GPC5: variants seen among roughly 807,000 people sequenced by gnomAD.
GPC5 encodes glypican 5.
GPC5 carries 47 observed loss-of-function variants against 53.9 expected under a neutral mutation model. The observed-to-expected ratio is 0.87, with a 90% CI of 0.69 to 1.11. GPC5 has a LOEUF of 1.11. Among genes scored for constraint, GPC5 ranks in the 50% most tolerant of loss-of-function variants. The probability of loss-of-function intolerance (pLI) is 0.00; values close to 1 mark genes in which losing one functional copy is unlikely to be tolerated. For missense variants in GPC5, 748 were observed against 713.1 expected, an observed-to-expected ratio of 1.05 and a Z score of -0.56; for synonymous variants, 286 against 263.3, an observed-to-expected ratio of 1.09 and a Z score of -0.84.
chr13:91,831,983 T>C (rs1360130231), intron 5 of GPC5, among the ~76,000 whole-genome samples: 1 of 151,882 alleles, frequency 6.6e-6, no homozygotes, highest in Admixed American at 6.6e-5. Context: ...GTCTGCTTGG[T>C]CCAGAGCTGG....
chr13:92,431,546 T>C (rs1466255538), intron 7 of GPC5, among the ~76,000 whole-genome samples: 2 of 152,016 alleles, frequency 1.3e-5, no homozygotes, highest in Non-Finnish European at 2.9e-5. Context: ...TGAAAAACAT[T>C]GATATAATTA....
chr13:91,586,277 G>A (rs1004936919), intron 2 of GPC5, among the ~76,000 whole-genome samples: 17 of 149,246 alleles, frequency 1.1e-4, no homozygotes, highest in Admixed American at 6.1e-4. Context: ...CACTTCCCTA[G>A]TATGTGTTAC....
intron 5 of GPC5, among the ~76,000 whole-genome samples, chr13:91,768,448 A>G (rs897270642): frequency 1.3e-5 from 2 of 152,246 alleles, no homozygotes; most frequent in African/African-American, 4.8e-5. Context: ...TATAAAACTG[A>G]TTAAAGATCA....
intron 7 of GPC5, among the ~76,000 whole-genome samples, chr13:92,475,487 G>T (rs1296853140): frequency 1.3e-5 from 2 of 149,368 alleles, no homozygotes; most frequent in African/African-American, 2.5e-5. Flanking sequence ...GTTCACTCAT[G>T]ATTTGGCTCT....
intron 7 of GPC5, among the ~76,000 whole-genome samples, chr13:92,331,790 C>T (rs757625415): frequency 4.1e-4 from 63 of 151,892 alleles, no homozygotes; most frequent in Admixed American, 1.1e-3. Context: ...CTGATTTAAG[C>T]CACGGTTGCA....
At chr13:91,428,277 T>A (rs1179987713) in intron 1 of GPC5, among the ~76,000 whole-genome samples, 1 of 151,962 alleles carries the variant, frequency 6.6e-6, no homozygotes, top group Non-Finnish European at 1.5e-5. Flanking sequence ...TTTTTCTGAG[T>A]GACAGAAAGA....
chr13:91,449,560 T>C (rs1019646645), intron 2 of GPC5, among the ~76,000 whole-genome samples: 5 of 152,120 alleles, frequency 3.3e-5, no homozygotes, highest in African/African-American at 4.8e-5. Context: ...AGAAATACTC[T>C]TTAAATTTCC....
At chr13:92,543,140 C>T (rs992062719) in intron 7 of GPC5, among the ~76,000 whole-genome samples, 2 of 152,012 alleles carry the variant, frequency 1.3e-5, no homozygotes, top group Non-Finnish European at 2.9e-5. Context: ...TATGCTGTCT[C>T]ACAACTCCTA....
intron 7 of GPC5, among the ~76,000 whole-genome samples, chr13:92,330,660 G>T (rs1456501511): frequency 6.6e-6 from 1 of 152,138 alleles, no homozygotes; most frequent in East Asian, 1.9e-4. Context: ...ACATATTTAT[G>T]TATTACTTTT....
At chr13:91,765,615 G>A (rs2037507047) in intron 5 of GPC5, among the ~76,000 whole-genome samples, 1 of 152,186 alleles carries the variant, frequency 6.6e-6, no homozygotes, top group African/African-American at 2.4e-5. Flanking sequence ...CAGGGACTTG[G>A]AATCTCAAAC....
At chr13:92,241,620 G>T (rs1267427018) in intron 7 of GPC5, 2 of 152,154 alleles carry the variant, frequency 1.3e-5, no homozygotes, top group African/African-American at 4.8e-5. Flanking sequence ...ATTTTAGTGA[G>T]AGCCTTGAAA....
At position 91,572,162 on chromosome 13, in the gene GPC5, C is replaced by CATATGTATATATACGTGTGTATAT. The variant is rs1566517324; in HGVS notation, c.326-121024_326-121023insTATGTATATATACGTGTGTATATA. Among the ~76,000 whole-genome samples, 71 of 100,092 alleles carry CATATGTATATATACGTGTGTATAT rather than the reference C, an allele frequency of 7.1e-4. 2 individuals are homozygous for CATATGTATATATACGTGTGTATAT. The highest frequency in any genetic ancestry group is 2.9e-3 in the African/African-American group (68 of 23,768). 65.7% of individuals were successfully genotyped at this position (100,092 alleles called of 152,430 possible). ...ATATGTATATATACGTGTGTATACA[C>CATATGTATATATACGTGTGTATAT]ACACATATGTATATATACGTGTGTA... On this transcript the variant is annotated intron_variant, in intron 2 of 7. Coordinates refer to ENST00000377067, the MANE Select transcript of GPC5 (RefSeq NM_004466.6).
intron 2 of GPC5, among the ~76,000 whole-genome samples, chr13:91,499,661 C>T (rs941771812): frequency 5.9e-5 from 9 of 152,104 alleles, no homozygotes; most frequent in Non-Finnish European, 1.2e-4. Flanking sequence ...TGCATTTTAG[C>T]GCTCTCCAGG....
At chr13:91,552,342 T>C (rs2030688886) in intron 2 of GPC5, among the ~76,000 whole-genome samples, 2 of 151,994 alleles carry the variant, frequency 1.3e-5, no homozygotes, top group African/African-American at 4.8e-5. Flanking sequence ...TTTATTGTTA[T>C]ATCTAACGTG....
intron 7 of GPC5, among the ~76,000 whole-genome samples, chr13:92,550,173 G>A (rs1486857676): frequency 6.6e-6 from 1 of 151,392 alleles, no homozygotes; most frequent in Non-Finnish European, 1.5e-5. Context: ...GTATATTTAT[G>A]TATTATTTGA....
intron 6 of GPC5, among the ~76,000 whole-genome samples, chr13:91,948,238 A>AT (rs1413807526): frequency 2.0e-5 from 3 of 149,006 alleles, no homozygotes; most frequent in East Asian, 1.9e-4. Flanking sequence ...AAAAAAAAAA[A>AT]AAAAATAAAT....
At chr13:91,533,215 C>T (rs60967153) in intron 2 of GPC5, among the ~76,000 whole-genome samples, 1,845 of 152,232 alleles carry the variant, frequency 0.012, 37 homozygotes, top group African/African-American at 0.041. Flanking sequence ...TGGAGTGACT[C>T]TGAGGTGACA....
chr13:92,530,841 G>T (rs149819394), intron 7 of GPC5, among the ~76,000 whole-genome samples: 13 of 152,068 alleles, frequency 8.5e-5, no homozygotes, highest in Middle Eastern at 6.8e-3. Flanking sequence ...CTTTCTAATT[G>T]AGTTTGGTGA....
chr13:92,157,725 T>A (rs1030895079), intron 7 of GPC5, among the ~76,000 whole-genome samples: 3 of 152,230 alleles, frequency 2.0e-5, no homozygotes, highest in African/African-American at 7.2e-5. Context: ...ATTTTTTGTT[T>A]AATGACCATT....
Sources: gnomAD v4.1 joint callset for allele counts (sites outside exome capture counted in the v4.1 genomes callset) on GRCh38, gnomAD v4.1.1 for gene constraint, MANE v1.5 for transcripts, NCBI Gene and HGNC (gene_info 2026-07-23, HGNC 2026-07-21) for gene names.